ANXA8: variants seen among roughly 807,000 people sequenced by gnomAD.
ANXA8 encodes annexin A8, also known as VAC-beta.
In ANXA8, 9 loss-of-function variants were observed where a neutral mutation model predicts 26.8. The ratio of observed to expected loss-of-function variants is 0.34; its 90% confidence interval spans 0.20 to 0.59. ANXA8 has a LOEUF of 0.59. Ranked by LOEUF, ANXA8 falls within the 20% of genes least tolerant of loss-of-function variation. ANXA8 has a pLI of 0.84. For missense variants in ANXA8, 83 were observed against 238.5 expected (o/e 0.35, Z 4.29); for synonymous variants, 39 against 94.8 (o/e 0.41, Z 3.42).
the ANXA8 span, among the ~76,000 whole-genome samples, chr10:47,984,855 T>C: frequency 7.4e-6 from 1 of 135,036 alleles, no homozygotes; most frequent in Non-Finnish European, 1.6e-5. Context: ...TTTGGTTCTT[T>C]TCTAGTTTCT....
At chr10:47,508,087 G>A in the ANXA8 span, among the ~76,000 whole-genome samples, 4 of 131,542 alleles carry the variant, frequency 3.0e-5, 2 homozygotes, top group East Asian at 1.4e-3. Flanking sequence ...GGTGGTGGGT[G>A]GAGTTTCGCT....
the ANXA8 span, among the ~76,000 whole-genome samples, chr10:47,948,790 A>C: frequency 1.3e-5 from 2 of 151,152 alleles, no homozygotes; most frequent in African/African-American, 4.9e-5. Flanking sequence ...GATAAGCACA[A>C]AGAAAACTAT....
the ANXA8 span, among the ~76,000 whole-genome samples, chr10:47,953,454 T>C: frequency 1.3e-5 from 2 of 150,856 alleles, no homozygotes. Flanking sequence ...ACTAGAACTC[T>C]TGTACAATGT....
upstream of ANXA8, among the ~76,000 whole-genome samples, chr10:47,486,267 G>A (rs1184094756): frequency 1.3e-5 from 2 of 150,724 alleles, no homozygotes; most frequent in African/African-American, 2.5e-5. Context: ...TCTTCATCAA[G>A]CTGGTCTGTT....
the ANXA8 span, among the ~76,000 whole-genome samples, chr10:47,498,462 T>G: frequency 7.0e-6 from 1 of 142,614 alleles, no homozygotes; most frequent in Non-Finnish European, 1.5e-5. Flanking sequence ...TAAATATCAG[T>G]GTACACATAT....
chr10:47,776,622 C>T, the ANXA8 span, among the ~76,000 whole-genome samples: 9 of 152,096 alleles, frequency 5.9e-5, no homozygotes, highest in East Asian at 1.7e-3. Flanking sequence ...ATCATTGGAT[C>T]TAAGTGGGGT....
the ANXA8 span, among the ~76,000 whole-genome samples, chr10:47,966,631 T>C: frequency 6.8e-6 from 1 of 147,778 alleles, no homozygotes; most frequent in Non-Finnish European, 1.5e-5. Context: ...GTGGGACATG[T>C]CCAGTGTCCT....
At chr10:47,743,343 T>TATATATACATATATATATAC in the ANXA8 span, among the ~76,000 whole-genome samples, 2 of 14,768 alleles carry the variant, frequency 1.4e-4, no homozygotes, top group African/African-American at 3.1e-4. Context: ...TATATATACA[T>TATATATACATATATATATAC]ATATATATAT....
the ANXA8 span, among the ~76,000 whole-genome samples, chr10:47,627,366 A>G: frequency 6.7e-6 from 1 of 150,042 alleles, no homozygotes; most frequent in Admixed American, 6.6e-5. Flanking sequence ...TACATCTCCT[A>G]TTTTTACTTC....
chr10:47,991,785 C>A, the ANXA8 span: 87 of 1,609,388 alleles, frequency 5.4e-5, 1 homozygote, highest in Middle Eastern at 6.7e-4. Flanking sequence ...CTGGCTCCTG[C>A]AGCTGAGGAG....
At chr10:47,628,529 CT>C in the ANXA8 span, among the ~76,000 whole-genome samples, 2 of 150,708 alleles carry the variant, frequency 1.3e-5, no homozygotes, top group Non-Finnish European at 1.5e-5. Context: ...ATATTTAAGG[CT>C]TTTTAATTAT....
At chr10:47,733,144 TC>T in the ANXA8 span, among the ~76,000 whole-genome samples, 17 of 35,702 alleles carry the variant, frequency 4.8e-4, no homozygotes, top group African/African-American at 1.8e-3. Flanking sequence ...AACTCCCTAA[TC>T]TTTCTTTCTT....
At chr10:47,664,211 A>G in the ANXA8 span, among the ~76,000 whole-genome samples, 246 of 151,900 alleles carry the variant, frequency 1.6e-3, no homozygotes, top group African/African-American at 5.8e-3. Context: ...CCCCGTCTCT[A>G]CTAAAAATAC....
chr10:47,971,558 A>G, the ANXA8 span, among the ~76,000 whole-genome samples: 1 of 109,498 alleles, frequency 9.1e-6, no homozygotes, highest in South Asian at 3.5e-4. Flanking sequence ...GGGGTCTAAA[A>G]GGAGCAGGCA....
the ANXA8 span, among the ~76,000 whole-genome samples, chr10:47,694,569 C>T: frequency 2.6e-5 from 4 of 151,442 alleles, no homozygotes; most frequent in Admixed American, 6.6e-5. Flanking sequence ...TACAGGAGCC[C>T]GCCACCACGC....
the ANXA8 span, among the ~76,000 whole-genome samples, chr10:47,732,773 T>C: frequency 6.9e-6 from 1 of 145,660 alleles, no homozygotes; most frequent in African/African-American, 2.5e-5. Flanking sequence ...ATCAAATGAG[T>C]TGACAACATT....
the ANXA8 span, among the ~76,000 whole-genome samples, chr10:47,755,389 G>C: frequency 3.9e-5 from 6 of 152,188 alleles, no homozygotes; most frequent in Non-Finnish European, 7.3e-5. Context: ...CCAAGTAGCT[G>C]GGACTACAGG....
the ANXA8 span, among the ~76,000 whole-genome samples, chr10:47,640,029 C>A: frequency 1.4e-5 from 2 of 144,022 alleles, no homozygotes. Context: ...TGGGTTCACA[C>A]CATCCTCCTC....
At chr10:47,535,216 C>T in the ANXA8 span, among the ~76,000 whole-genome samples, 12 of 133,614 alleles carry the variant, frequency 9.0e-5, 2 homozygotes, top group South Asian at 1.1e-3. Flanking sequence ...TCAGGTGATC[C>T]GCCCACCTCG....
Sources: allele counts gnomAD v4.1 joint callset (sites outside exome capture counted in the v4.1 genomes callset), GRCh38; gene constraint gnomAD v4.1.1; transcripts MANE v1.5; gene names NCBI Gene and HGNC (gene_info 2026-07-23, HGNC 2026-07-21).